NCKAP5: variants seen among roughly 807,000 people sequenced by gnomAD.
NCKAP5 encodes the protein NCK associated protein 5.
In NCKAP5, 92 loss-of-function variants were observed where a neutral mutation model predicts 167.0. That is an observed-to-expected ratio of 0.55 (90% CI 0.47 to 0.66). NCKAP5 has a LOEUF of 0.66. NCKAP5 is among the 30% of genes least tolerant of loss of function. The probability of loss-of-function intolerance (pLI) is 0.00; values close to 1 mark genes in which losing one functional copy is unlikely to be tolerated. For synonymous variants in NCKAP5, 891 were observed against 877.4 expected, an observed-to-expected ratio of 1.02 and a Z score of -0.27; for missense variants, 2,378 against 2,315.0, an observed-to-expected ratio of 1.03 and a Z score of -0.56.
At chr2:133,388,326 G>C (rs72989663) in intron 3 of NCKAP5, among the ~76,000 whole-genome samples, 6,953 of 152,274 alleles carry the variant, frequency 0.046, 506 homozygotes, top group African/African-American at 0.16. Context: ...GTTTGCCTGG[G>C]TATCAGTAGC....
intron 7 of NCKAP5, among the ~76,000 whole-genome samples, chr2:132,981,144 T>A (rs2077127697): frequency 6.6e-6 from 1 of 152,192 alleles, no homozygotes; most frequent in African/African-American, 2.4e-5. Flanking sequence ...AGGTTGTTAG[T>A]GGGAACTTGA....
chr2:133,645,835 A>C, the NCKAP5 span, among the ~76,000 whole-genome samples: 1 of 152,136 alleles, frequency 6.6e-6, no homozygotes, highest in Non-Finnish European at 1.5e-5. Flanking sequence ...ATAAAATAAA[A>C]TATTAGAAAT....
At chr2:133,465,551 A>T in intron 3 of NCKAP5, among the ~76,000 whole-genome samples, 1 of 152,132 alleles carries the variant, frequency 6.6e-6, no homozygotes, top group East Asian at 1.9e-4. Flanking sequence ...GTCAAATGGT[A>T]TTTCCAGTTC....
chr2:132,855,516 T>C (rs1382270918), intron 11 of NCKAP5, among the ~76,000 whole-genome samples: 1 of 152,212 alleles, frequency 6.6e-6, no homozygotes, highest in Non-Finnish European at 1.5e-5. Context: ...GCAGAGTTCA[T>C]CCATTCCAGA....
intron 3 of NCKAP5, among the ~76,000 whole-genome samples, chr2:133,486,164 C>G (rs1418858279): frequency 1.3e-5 from 2 of 152,180 alleles, no homozygotes; most frequent in African/African-American, 2.4e-5. Flanking sequence ...CAGAAGAGAA[C>G]AGAGCACAGT....
chr2:133,179,618 C>T (rs567062358), intron 5 of NCKAP5, among the ~76,000 whole-genome samples: 2 of 151,956 alleles, frequency 1.3e-5, no homozygotes, highest in Non-Finnish European at 2.9e-5. Context: ...ACCAGAAATC[C>T]TTAGCAAAGA....
chr2:132,703,106 A>C (rs980243233), intron 19 of NCKAP5, among the ~76,000 whole-genome samples: 1 of 152,116 alleles, frequency 6.6e-6, no homozygotes, highest in Non-Finnish European at 1.5e-5. Context: ...GCTTGAGCCC[A>C]GGAATTTGAG....
At chr2:133,090,765 T>C (rs555879551) in intron 6 of NCKAP5, among the ~76,000 whole-genome samples, 70 of 148,178 alleles carry the variant, frequency 4.7e-4, no homozygotes, top group Middle Eastern at 3.4e-3. Context: ...ACTTCTACAT[T>C]CTCTGAACAC....
At chr2:133,362,970 G>T (rs1157437828) in intron 3 of NCKAP5, among the ~76,000 whole-genome samples, 2 of 151,210 alleles carry the variant, frequency 1.3e-5, no homozygotes, top group Admixed American at 1.3e-4. Flanking sequence ...GTTTCACCGT[G>T]TCAGCCAGGA....
chr2:133,569,799 T>C (rs140165917), upstream of NCKAP5, among the ~76,000 whole-genome samples: 1 of 152,268 alleles, frequency 6.6e-6, no homozygotes, highest in African/African-American at 2.4e-5. Flanking sequence ...TATATGCTAC[T>C]TTCATGTGGG....
chr2:132,787,312 C>T (rs981978321), intron 13 of NCKAP5, among the ~76,000 whole-genome samples: 1 of 148,318 alleles, frequency 6.7e-6, no homozygotes, highest in East Asian at 2.0e-4. Flanking sequence ...TGCACCATTG[C>T]ACTCCCTCCC....
intron 6 of NCKAP5, among the ~76,000 whole-genome samples, chr2:133,041,466 T>C (rs1350985045): frequency 6.6e-6 from 1 of 152,176 alleles, no homozygotes; most frequent in Non-Finnish European, 1.5e-5. Flanking sequence ...TATCAGAAAA[T>C]TGATTTCCTA....
chr2:132,805,674 T>C (rs944354426), intron 11 of NCKAP5, among the ~76,000 whole-genome samples: 8 of 145,806 alleles, frequency 5.5e-5, no homozygotes, highest in Middle Eastern at 3.3e-3. Context: ...AAAAAAAAAA[T>C]GAACATTTAT....
Position 133,526,279 on chromosome 2 carries a change from AGGAGGGAGGGAGGGAAGGAG to A in NCKAP5, c.-61-8712_-61-8693del, listed in dbSNP as rs1558755618. Among the ~76,000 whole-genome samples, 25 of 41,356 alleles carry A rather than the reference AGGAGGGAGGGAGGGAAGGAG, an allele frequency of 6.0e-4. 2 individuals are homozygous for A. Among genetic ancestry groups the A allele is most frequent in the African/African-American group, 2.3e-3 (22 of 9,420 alleles). 27.1% of individuals were successfully genotyped at this position (41,356 alleles called of 152,430 possible). A position where few individuals can be genotyped will look rare whatever the true frequency, so the allele number is the denominator to read the frequency against. The stretch of plus-strand genomic sequence containing the variant: ...AGGGAGGGAAGGAGGGAGGGAGGGA[AGGAGGGAGGGAGGGAAGGAG>A]GGAGGGAGGGAAGGAGGGAGGGAGG... On this transcript the variant is annotated intron_variant, in intron 2 of 19. Coordinates refer to ENST00000409261, the MANE Select transcript of NCKAP5 (RefSeq NM_207363.3).
intron 6 of NCKAP5, among the ~76,000 whole-genome samples, chr2:133,054,461 C>T (rs763906250): frequency 6.6e-6 from 1 of 152,202 alleles, no homozygotes; most frequent in South Asian, 2.1e-4. Context: ...CCTGTTAGCA[C>T]TGCAACATGC....
At chr2:133,273,131 T>C (rs1399535744) in intron 4 of NCKAP5, among the ~76,000 whole-genome samples, 1 of 152,188 alleles carries the variant, frequency 6.6e-6, no homozygotes, top group Non-Finnish European at 1.5e-5. Flanking sequence ...GCCAAGCTAG[T>C]TTCCAAAGCA....
intron 5 of NCKAP5, among the ~76,000 whole-genome samples, chr2:133,133,530 C>A (rs762354742): frequency 1.3e-5 from 2 of 152,202 alleles, no homozygotes; most frequent in African/African-American, 2.4e-5. Flanking sequence ...ACATGTTCAA[C>A]AAAACTTGCC....
At chr2:132,735,748 A>G (rs1691447202) in intron 16 of NCKAP5, among the ~76,000 whole-genome samples, 2 of 152,188 alleles carry the variant, frequency 1.3e-5, no homozygotes, top group Admixed American at 1.3e-4. Context: ...GAATCTTGAC[A>G]GCCTTTTTCA....
Position 132,784,981 on chromosome 2 carries a change from G to A in NCKAP5, c.1830C>T (p.Thr610=), listed in dbSNP as rs762404327. 16 of 1,613,690 alleles carry A rather than the reference G, an allele frequency of 9.9e-6. No individual in the cohort carries two copies. In the East Asian group the frequency reaches 1.1e-4, roughly 11 times the overall value. The stretch of plus-strand genomic sequence containing the variant: ...CATCCAGGTTCTCCACGGACTTATC[G>A]GTGTCGGCAGCCAATGACACGTCTG... ...SPSDVSLAAD[T]DKSVENLDVL... Residue 610 remains threonine, a synonymous_variant, in exon 14 of 20, where the codon ACC becomes ACT. Transcript: ENST00000409261.
Sources: allele counts gnomAD v4.1 joint callset (sites outside exome capture counted in the v4.1 genomes callset), GRCh38; gene constraint gnomAD v4.1.1; transcripts MANE v1.5; gene names NCBI Gene and HGNC (gene_info 2026-07-23, HGNC 2026-07-21).